CFAP299: variants seen among roughly 807,000 people sequenced by gnomAD.
CFAP299 encodes cilia- and flagella-associated protein 299.
Under a neutral mutation model 27.0 loss-of-function variants are expected in CFAP299, and 21 were observed. The observed-to-expected ratio is 0.78, with a 90% CI of 0.55 to 1.12. The LOEUF (loss-of-function observed/expected upper bound fraction) is 1.12, where lower values mean the gene tolerates loss of function less well. CFAP299 is among the 50% of genes most tolerant of loss of function. The pLI is 0.00. For missense variants in CFAP299, 310 were observed against 276.6 expected, an observed-to-expected ratio of 1.12 and a Z score of -0.86; for synonymous variants, 104 against 98.1, an observed-to-expected ratio of 1.06 and a Z score of -0.36.
chr4:80,406,663 C>T (rs758905259), intron 2 of CFAP299, among the ~76,000 whole-genome samples: 5 of 152,146 alleles, frequency 3.3e-5, no homozygotes, highest in Admixed American at 1.3e-4. Context: ...AACCACTGTG[C>T]CCAGCCCCTA....
chr4:80,660,977 A>G (rs1577986613), intron 3 of CFAP299, among the ~76,000 whole-genome samples: 3 of 152,262 alleles, frequency 2.0e-5, no homozygotes, highest in South Asian at 4.1e-4. Flanking sequence ...GTTGCAAGAG[A>G]GAACTTAAAT....
In CFAP299 at chr4:80,595,284, C is replaced by G. The variant is rs184739843; in HGVS notation, c.333+12101C>G. On this transcript the variant is annotated intron_variant, in intron 3 of 5. Coordinates refer to ENST00000358105, the MANE Select transcript of CFAP299 (RefSeq NM_152770.3). ...TCCCAAAGATAGCACAGATATATTT[C>G]CCCCTCCCAAAGATAGCACAGATAT... 4.2e-3 allele frequency among the ~76,000 whole-genome samples: 590 copies of G among 139,542 alleles called. 3 individuals carry two copies. Among genetic ancestry groups the G allele is most frequent in the Non-Finnish European group, 6.6e-3 (447 of 67,918 alleles). The allele number at this position is 139,542 out of a possible 152,430, so 91.5% of individuals were successfully genotyped here.
chr4:80,908,041 T>C (rs1735272254), intron 4 of CFAP299, among the ~76,000 whole-genome samples: 1 of 152,216 alleles, frequency 6.6e-6, no homozygotes, highest in Non-Finnish European at 1.5e-5. Flanking sequence ...TTTTCATCAT[T>C]CTTTTCAACC....
chr4:80,632,604 G>A (rs1390605156), intron 3 of CFAP299, among the ~76,000 whole-genome samples: 2 of 152,056 alleles, frequency 1.3e-5, no homozygotes, highest in Non-Finnish European at 2.9e-5. Context: ...ATAATGGCAT[G>A]CAGAGGCAGA....
At chr4:80,779,102 T>C (rs577567027) in intron 3 of CFAP299, among the ~76,000 whole-genome samples, 6 of 152,260 alleles carry the variant, frequency 3.9e-5, no homozygotes, top group African/African-American at 9.6e-5. Flanking sequence ...CTCCATTTTA[T>C]AGATAAAAAC....
chr4:80,394,597 T>TTA (rs953556638), intron 2 of CFAP299, among the ~76,000 whole-genome samples: 10 of 152,170 alleles, frequency 6.6e-5, no homozygotes, highest in African/African-American at 2.4e-4. Context: ...GAGTTGGTTT[T>TTA]TATATATAGG....
intron 5 of CFAP299, among the ~76,000 whole-genome samples, chr4:80,959,074 T>C (rs759971254): frequency 2.0e-5 from 3 of 152,184 alleles, no homozygotes; most frequent in Non-Finnish European, 2.9e-5. Flanking sequence ...GGAAATTTAG[T>C]TCTTTTTGTG....
At chr4:80,371,762 T>C (rs1405383426) in intron 2 of CFAP299, among the ~76,000 whole-genome samples, 2 of 152,124 alleles carry the variant, frequency 1.3e-5, no homozygotes, top group African/African-American at 4.8e-5. Flanking sequence ...CACTTCAGCC[T>C]ACCTTCACTA....
At chr4:80,469,263 TCAA>T (rs1729865662) in intron 2 of CFAP299, among the ~76,000 whole-genome samples, 1 of 152,252 alleles carries the variant, frequency 6.6e-6, no homozygotes, top group African/African-American at 2.4e-5. Flanking sequence ...CTGCTTACAT[TCAA>T]CAACCATTGT....
chr4:80,456,165 C>T (rs1004802945), intron 2 of CFAP299, among the ~76,000 whole-genome samples: 2 of 151,968 alleles, frequency 1.3e-5, no homozygotes, highest in African/African-American at 4.8e-5. Flanking sequence ...CATGCTTGGA[C>T]ACAGCAAGGA....
intron 3 of CFAP299, among the ~76,000 whole-genome samples, chr4:80,652,365 A>G (rs1417687427): frequency 6.6e-6 from 1 of 152,130 alleles, no homozygotes; most frequent in African/African-American, 2.4e-5. Flanking sequence ...AAAGTAAGAA[A>G]TGAAAAACAT....
chr4:80,848,829 C>T lies in CFAP299; in HGVS notation c.334-21164C>T, dbSNP rs995190023. 4.6e-5 allele frequency among the ~76,000 whole-genome samples: 7 copies of T among 151,960 alleles called. 1 individual carries two copies. Among genetic ancestry groups the T allele is most frequent in the Admixed American group, 3.9e-4 (6 of 15,236 alleles). ...ACAGTATAAGAGATAAAAAATGGTA[C>T]ACCTGTATAAGGCACTTACCATGAA... On this transcript the variant is annotated intron_variant, in intron 3 of 5. Coordinates refer to ENST00000358105, the MANE Select transcript of CFAP299 (RefSeq NM_152770.3).
chr4:80,650,541 T>A (rs1740229167), intron 3 of CFAP299, among the ~76,000 whole-genome samples: 1 of 152,142 alleles, frequency 6.6e-6, no homozygotes, highest in African/African-American at 2.4e-5. Flanking sequence ...GCACTTAAAC[T>A]TTTTAAAGAG....
intron 3 of CFAP299, among the ~76,000 whole-genome samples, chr4:80,797,452 C>A (rs184871347): frequency 7.4e-6 from 1 of 135,266 alleles, no homozygotes; most frequent in African/African-American, 2.8e-5. Flanking sequence ...CTAGGAATAC[C>A]GTGATCAATT....
At position 80,799,820 on chromosome 4, in the gene CFAP299, T is replaced by TA. The variant is rs1728249286; in HGVS notation, c.334-70173_334-70172insA. Among the ~76,000 whole-genome samples, 19 of 36,514 alleles carry TA rather than the reference T, an allele frequency of 5.2e-4. 3 individuals carry two copies. The highest frequency in any genetic ancestry group is 2.2e-3 in the African/African-American group (17 of 7,636). The allele number at this position is 36,514 out of a possible 152,430, so 24.0% of individuals were successfully genotyped here. A position where few individuals can be genotyped will look rare whatever the true frequency, so the allele number is the denominator to read the frequency against. On this transcript the variant is annotated intron_variant, in intron 3 of 5. Transcript: ENST00000358105. Reference sequence around the variant, plus strand: ...ATTATATAATATATAAATATATATATTATATATATTTATATATTATATTAT... The same window carrying TA: ...ATTATATAATATATAAATATATATATATATATATATTTATATATTATATTAT...
chr4:80,651,870 GT>G (rs1400195142), intron 3 of CFAP299, among the ~76,000 whole-genome samples: 2 of 151,992 alleles, frequency 1.3e-5, no homozygotes, highest in African/African-American at 4.8e-5. Context: ...TATGTGAAGA[GT>G]TCACGTGTTT....
chr4:80,497,857 T>A (rs893274451), intron 2 of CFAP299, among the ~76,000 whole-genome samples: 1 of 151,980 alleles, frequency 6.6e-6, no homozygotes, highest in Admixed American at 6.6e-5. Flanking sequence ...AACTTCGAAG[T>A]ATATTACAAG....
Position 80,811,182 on chromosome 4 carries a change from T to C in CFAP299, c.334-58811T>C, listed in dbSNP as rs375118168. 1.4e-4 allele frequency among the ~76,000 whole-genome samples: 21 copies of C among 152,260 alleles called. No individual in the cohort carries two copies. The East Asian group carries it at 2.7e-3, about 20-fold the overall frequency. The stretch of plus-strand genomic sequence containing the variant: ...ATATGTCTAATATTCAATTTGTATA[T>C]TTAAAATAATAGCAACTTTTCAGTG... On this transcript the variant is annotated intron_variant, in intron 3 of 5. Transcript: ENST00000358105.
intron 2 of CFAP299, among the ~76,000 whole-genome samples, chr4:80,455,390 G>A (rs1376118615): frequency 3.9e-5 from 6 of 152,038 alleles, no homozygotes; most frequent in Non-Finnish European, 5.9e-5. Context: ...GCAGTTTCAC[G>A]GGCACAAATG....
Sources: allele counts gnomAD v4.1 joint callset (sites outside exome capture counted in the v4.1 genomes callset), GRCh38; gene constraint gnomAD v4.1.1; transcripts MANE v1.5; gene names NCBI Gene and HGNC (gene_info 2026-07-23, HGNC 2026-07-21).